APOC1: variants seen among roughly 807,000 people sequenced by gnomAD.
The protein encoded by APOC1 is apolipoprotein C1.
APOC1 carries 4 observed loss-of-function variants against 6.7 expected under a neutral mutation model. The observed-to-expected ratio is 0.60, with a 90% CI of 0.29 to 1.37. The LOEUF is 1.37. Ranked by LOEUF, APOC1 falls within the 40% of genes most tolerant of loss-of-function variation. APOC1 has a pLI of 0.09. For missense variants in APOC1, 122 were observed against 99.4 expected (o/e 1.23, Z -0.97); for synonymous variants, 33 against 40.6 (o/e 0.81, Z 0.72).
intron 2 of APOC1, chr19:44,915,307 T>G: frequency 5.8e-6 from 1 of 171,932 alleles, no homozygotes; most frequent in Non-Finnish European, 1.2e-5. Flanking sequence ...CCAGTATTCC[T>G]CCCCATTCTT....
intron 3 of APOC1, among the ~76,000 whole-genome samples, chr19:44,917,997 G>A (rs12721046): frequency 0.11 from 16,809 of 150,852 alleles, 1,267 homozygotes; most frequent in Non-Finnish European, 0.14. Flanking sequence ...AACTCCTGGC[G>A]CGGTGGCTCA....
intron 2 of APOC1, among the ~76,000 whole-genome samples, chr19:44,915,692 C>G (rs1361791443): frequency 1.3e-4 from 20 of 151,640 alleles, no homozygotes. Context: ...TTTGGCCGGG[C>G]AGGGTGGCTC....
chr19:44,918,876 C>A (rs762536405), intron 3 of APOC1: 18 of 376,296 alleles, frequency 4.8e-5, no homozygotes, highest in Non-Finnish European at 8.1e-5. Flanking sequence ...CCAGGTTGGT[C>A]TCGAACTCCT....
chr19:44,915,885 C>T (rs1466862644), intron 2 of APOC1, among the ~76,000 whole-genome samples: 1 of 152,020 alleles, frequency 6.6e-6, no homozygotes, highest in Non-Finnish European at 1.5e-5. Context: ...AGGAGAATCA[C>T]TTGAACCCGG....
At chr19:44,915,656 A>G (rs1008101766) in intron 2 of APOC1, among the ~76,000 whole-genome samples, 4 of 146,228 alleles carry the variant, frequency 2.7e-5, no homozygotes, top group African/African-American at 1.0e-4. Context: ...CGGTATCCCA[A>G]CCTAAGGGGG....
At chr19:44,915,184 A>T in intron 2 of APOC1, 2 of 569,470 alleles carry the variant, frequency 3.5e-6, no homozygotes, top group Non-Finnish European at 3.2e-6. Flanking sequence ...CACCTCTGGG[A>T]TTGGCTGTCC....
rs1970059438 is a variant in APOC1 at position 44,919,201 on chromosome 19, G to T, written c.223G>T (p.Val75Leu). 1 of 1,613,962 alleles carries T rather than the reference G, an allele frequency of 6.2e-7. No individual in the cohort carries two copies. The highest frequency in any genetic ancestry group is 8.5e-7 in the Non-Finnish European group (1 of 1,179,868). Residue 75 changes from valine to leucine, a missense_variant, in exon 4 of 4, where the codon GTG (valine) becomes TTG (leucine). Coordinates refer to ENST00000592535, the MANE Select transcript of APOC1 (RefSeq NM_001645.5). The stretch of plus-strand genomic sequence containing the variant: ...GTGGTTTTCAGAGACATTTCAGAAA[G>T]TGAAGGAGAAACTCAAGATTGACTC... ...REWFSETFQK[V>L]KEKLKIDS
chr19:44,917,295 G>A (rs961967250), intron 3 of APOC1, among the ~76,000 whole-genome samples: 6 of 151,872 alleles, frequency 4.0e-5, no homozygotes, highest in African/African-American at 1.5e-4. Flanking sequence ...TCAATGTGGG[G>A]AATAAAACAG....
At position 44,919,037 on chromosome 19, in the gene APOC1, C is replaced by CG. The variant is rs1334855920; in HGVS notation, c.195-134dup. ...ACAGAAGTTGGCCCACCCAGCCCAG[C>CG]GGTCCTCCTAATCCCACAGACAGTG... On this transcript the variant is annotated intron_variant, in intron 3 of 3. Transcript: ENST00000592535. The CG allele has an allele frequency of 5.0e-6, 4 of 797,896 alleles. No individual in the cohort carries two copies. The African/African-American group carries it at 6.9e-5, about 14-fold the overall frequency. 49.4% of individuals were successfully genotyped at this position (797,896 alleles called of 1,614,324 possible).
intron 3 of APOC1, among the ~76,000 whole-genome samples, chr19:44,917,058 C>T (rs1246715980): frequency 1.3e-5 from 2 of 152,002 alleles, no homozygotes; most frequent in Non-Finnish European, 2.9e-5. Flanking sequence ...TGGAGTAGCA[C>T]CCCTTCCTGT....
At chr19:44,915,646 C>T (rs1426689353) in intron 2 of APOC1, among the ~76,000 whole-genome samples, 2 of 151,412 alleles carry the variant, frequency 1.3e-5, no homozygotes, top group African/African-American at 2.4e-5. Flanking sequence ...CTATCCATCC[C>T]GGTATCCCAA....
rs1969972907 is a variant in APOC1 at position 44,914,752 on chromosome 19, G to C, written c.-21+19G>C. ...GATTCAGGTTGGTGCTGAGTGCCTG[G>C]GAGGGACACCCGCCTACACTCTGCA... On this transcript the variant is annotated intron_variant, in intron 1 of 3. Transcript: ENST00000592535. The C allele has an allele frequency of 1.2e-6, 1 of 830,606 alleles. No homozygotes were observed. The allele number at this position is 830,606 out of a possible 1,614,324, so 51.5% of individuals were successfully genotyped here.
At chr19:44,915,284 C>G in intron 2 of APOC1, 1 of 321,102 alleles carries the variant, frequency 3.1e-6, no homozygotes, top group South Asian at 5.3e-5. Flanking sequence ...AGCTTGAGCC[C>G]CACCAGGTCA....
Position 44,916,345 on chromosome 19 carries a change from C to T in APOC1, c.194+20C>T, listed in dbSNP as rs1970008595. Reference sequence around the variant, plus strand: ...GATGCGGTTAGAACCCTTCCCAGGGCACGGGAGAGCTGGGGTGTGTTTTTG... The same window carrying T: ...GATGCGGTTAGAACCCTTCCCAGGGTACGGGAGAGCTGGGGTGTGTTTTTG... On this transcript the variant is annotated intron_variant, in intron 3 of 3. Coordinates refer to ENST00000592535, the MANE Select transcript of APOC1 (RefSeq NM_001645.5). 6.2e-7 allele frequency: 1 copy of T among 1,612,624 alleles called. No individual in the cohort carries two copies. Among genetic ancestry groups the T allele is most frequent in the African/African-American group, 1.3e-5 (1 of 74,670 alleles).
intron 3 of APOC1, among the ~76,000 whole-genome samples, chr19:44,916,933 C>T (rs958040903): frequency 1.3e-5 from 2 of 148,704 alleles, no homozygotes; most frequent in African/African-American, 5.0e-5. Flanking sequence ...AGTTCGAGAC[C>T]AGCCTGACCA....
chr19:44,916,358 G>C (rs1236001850), intron 3 of APOC1, 33 bp downstream of exon 3: 3 of 1,611,164 alleles, frequency 1.9e-6, no homozygotes, highest in Non-Finnish European at 2.5e-6. Context: ...GGGAGAGCTG[G>C]GGTGTGTTTT....
At position 44,916,171 on chromosome 19, in the gene APOC1, C is replaced by T. The variant is rs774839907; in HGVS notation, c.59-19C>T. On this transcript the variant is annotated intron_variant, in intron 2 of 3. Coordinates refer to ENST00000592535, the MANE Select transcript of APOC1 (RefSeq NM_001645.5). The stretch of plus-strand genomic sequence containing the variant: ...AAAAAAAAAAACAAATTTTGAACCC[C>T]TGCCCATCTTCCTGGCAGGCCCAGC... 2.8e-6 allele frequency: 3 copies of T among 1,070,052 alleles called. No homozygotes were observed. The highest frequency in any genetic ancestry group is 2.2e-5 in the African/African-American group (1 of 46,372). The allele number at this position is 1,070,052 out of a possible 1,614,324, so 66.3% of individuals were successfully genotyped here.
At chr19:44,916,785 G>T (rs1262860486) in intron 3 of APOC1, among the ~76,000 whole-genome samples, 3 of 145,962 alleles carry the variant, frequency 2.1e-5, no homozygotes, top group African/African-American at 7.6e-5. Flanking sequence ...GTGCCAGCCT[G>T]GGTGACAGAA....
chr19:44,915,820 T>G (rs1035473124), intron 2 of APOC1, among the ~76,000 whole-genome samples: 2 of 151,690 alleles, frequency 1.3e-5, no homozygotes, highest in Non-Finnish European at 2.9e-5. Context: ...TACAAAAAAA[T>G]TAGCCAGGTG....
Sources: allele counts gnomAD v4.1 joint callset (sites outside exome capture counted in the v4.1 genomes callset), GRCh38; gene constraint gnomAD v4.1.1; transcripts MANE v1.5; gene names NCBI Gene and HGNC (gene_info 2026-07-23, HGNC 2026-07-21).